Variants in LEF1 observed in about 807,000 individuals in gnomAD.
LEF1 encodes lymphoid enhancer binding factor 1.
In LEF1, 14 loss-of-function variants were observed where a neutral mutation model predicts 51.2. The observed-to-expected ratio is 0.27, with a 90% CI of 0.18 to 0.43. LEF1 has a LOEUF of 0.43. Ranked by LOEUF, LEF1 falls within the 20% of genes least tolerant of loss-of-function variation. The probability of loss-of-function intolerance (pLI) is 1.00; values close to 1 mark genes in which losing one functional copy is unlikely to be tolerated. For missense variants in LEF1, 386 were observed against 512.0 expected (o/e 0.75, Z 2.37); for synonymous variants, 185 against 183.2 (o/e 1.01, Z -0.08).
chr4:108,065,782 G>T (rs547274088), intron 9 of LEF1, among the ~76,000 whole-genome samples: 1 of 152,262 alleles, frequency 6.6e-6, no homozygotes, highest in East Asian at 1.9e-4. Context: ...TATGATATGT[G>T]TTCCATTTTA....
chr4:108,120,029 G>A (rs200945645), intron 3 of LEF1, among the ~76,000 whole-genome samples: 25 of 111,948 alleles, frequency 2.2e-4, no homozygotes, highest in East Asian at 1.7e-3. Context: ...GTGTGTGTGT[G>A]TGTATGTATG....
In LEF1 at chr4:108,163,579, T is replaced by G. The variant is rs370283692; in HGVS notation, c.403A>C (p.Ile135Leu). ...YMSNGSLSPPIPRTSNKVPVV... is the reference protein window; with the variant it reads ...YMSNGSLSPPLPRTSNKVPVV... ...AGCATGTTACTTACTGTTCTCGGGA[T>G]GGGTGGAGAAAGAGATCCATTTGAC... Residue 135 changes from isoleucine (I) to leucine (L), a missense_variant, in exon 3 of 12, where the codon ATC becomes CTC. Ile to Leu is a conservative substitution (Grantham distance 5). This residue lies in a region of LEF1 where 335 missense variants were observed against 390.7 expected (regional missense o/e 0.86). Transcript: ENST00000265165. 1.9e-6 allele frequency: 3 copies of G among 1,613,174 alleles called. No homozygotes were observed. Among genetic ancestry groups the G allele is most frequent in the Non-Finnish European group, 2.5e-6 (3 of 1,179,588 alleles).
intron 3 of LEF1, among the ~76,000 whole-genome samples, chr4:108,151,296 C>T (rs891710547): frequency 6.6e-6 from 1 of 152,170 alleles, no homozygotes; most frequent in Admixed American, 6.5e-5. Context: ...TATTACTACC[C>T]AAAATATGTT....
intron 3 of LEF1, among the ~76,000 whole-genome samples, chr4:108,098,465 G>A (rs1740532737): frequency 6.6e-6 from 1 of 150,934 alleles, no homozygotes; most frequent in Non-Finnish European, 1.5e-5. Flanking sequence ...TTCCATAAGC[G>A]AAGCCAACAG....
intron 3 of LEF1, among the ~76,000 whole-genome samples, chr4:108,123,423 C>A (rs1166917995): frequency 7.5e-6 from 1 of 133,096 alleles, no homozygotes; most frequent in Admixed American, 7.6e-5. Context: ...CAGCTTTCTG[C>A]TAGGGTTGGT....
At chr4:108,086,829 T>TCACACACACACAC (rs1553951329) in intron 4 of LEF1, among the ~76,000 whole-genome samples, 1 of 149,320 alleles carries the variant, frequency 6.7e-6, no homozygotes, top group Non-Finnish European at 1.5e-5. Flanking sequence ...CACACACACT[T>TCACACACACACAC]ACACACACAC....
Position 108,078,558 on chromosome 4 carries a change from T to C in LEF1, c.846-176A>G, listed in dbSNP as rs1040976601. The C allele has an allele frequency of 1.1e-5, 8 of 729,668 alleles. No individual in the cohort carries two copies. In the East Asian group the frequency reaches 2.1e-4, roughly 19 times the overall value. The allele number at this position is 729,668 out of a possible 1,614,324, so 45.2% of individuals were successfully genotyped here. On this transcript the variant is annotated intron_variant, in intron 7 of 11. Coordinates refer to ENST00000265165, the MANE Select transcript of LEF1 (RefSeq NM_016269.5). ...GTTATTGACTCATTTGACAAAACAC[T>C]GAGAGGCAAACAACCCATCCAATAG...
chr4:108,139,926 G>C (rs1273702316), intron 3 of LEF1, among the ~76,000 whole-genome samples: 1 of 151,974 alleles, frequency 6.6e-6, no homozygotes, highest in African/African-American at 2.4e-5. Flanking sequence ...AGAAACAGAG[G>C]AAAAACACAG....
intron 11 of LEF1, among the ~76,000 whole-genome samples, chr4:108,063,413 TAGAAG>T (rs1467809464): frequency 2.0e-5 from 3 of 152,302 alleles, no homozygotes; most frequent in South Asian, 2.1e-4. Flanking sequence ...CCAAAGAGGA[TAGAAG>T]AGAAAAGATA....
intron 3 of LEF1, among the ~76,000 whole-genome samples, chr4:108,127,087 A>C (rs1742592326): frequency 6.6e-6 from 1 of 152,140 alleles, no homozygotes; most frequent in Non-Finnish European, 1.5e-5. Context: ...GCTTCTCAGG[A>C]GACATAGGAG....
intron 9 of LEF1, among the ~76,000 whole-genome samples, chr4:108,067,272 A>G (rs1313154169): frequency 2.6e-5 from 4 of 152,186 alleles, no homozygotes; most frequent in Non-Finnish European, 5.9e-5. Flanking sequence ...CTTTAAAACT[A>G]CTTTCTTCCC....
intron 3 of LEF1, among the ~76,000 whole-genome samples, chr4:108,145,231 C>T (rs2110381975): frequency 6.6e-6 from 1 of 152,252 alleles, no homozygotes; most frequent in African/African-American, 2.4e-5. Flanking sequence ...GCCAAGTGGA[C>T]TGAAGATAAC....
At chr4:108,082,416 G>A (rs1014405444) in intron 5 of LEF1, among the ~76,000 whole-genome samples, 3 of 152,152 alleles carry the variant, frequency 2.0e-5, no homozygotes, top group African/African-American at 7.2e-5. Context: ...TGTAATGCTA[G>A]GGAGAGAGAG....
chr4:108,048,104 T>C lies in LEF1; in HGVS notation c.*654A>G, dbSNP rs1405656663. On this transcript the variant is annotated 3_prime_UTR_variant, in exon 12 of 12. Transcript: ENST00000265165. ...TCATTATTTCAAACTTTTCCAGAAC[T>C]TTCAATTTTATTTAAAAGCTCATAG... 6.6e-6 allele frequency: 1 copy of C among 152,544 alleles called. No homozygotes were observed. The highest frequency in any genetic ancestry group is 1.5e-5 in the Non-Finnish European group (1 of 68,040). The allele number at this position is 152,544 out of a possible 1,614,324, so 9.4% of individuals were successfully genotyped here.
At chr4:108,111,622 G>C (rs768647688) in intron 3 of LEF1, among the ~76,000 whole-genome samples, 1 of 152,156 alleles carries the variant, frequency 6.6e-6, no homozygotes, top group Non-Finnish European at 1.5e-5. Context: ...GAAAGGTGCT[G>C]GCATACAGGC....
chr4:108,140,048 T>C lies in LEF1; in HGVS notation c.414+23520A>G, dbSNP rs184751369. The stretch of plus-strand genomic sequence containing the variant: ...CCTTACTTTTCATGTAAATCTCAGC[T>C]TTCAATAAACATAAAAATACACACA... On this transcript the variant is annotated intron_variant, in intron 3 of 11. Transcript: ENST00000265165. Among the ~76,000 whole-genome samples, 285 of 152,246 alleles carry C rather than the reference T, an allele frequency of 1.9e-3. 1 individual carries two copies. The highest frequency in any genetic ancestry group is 3.4e-3 in the Non-Finnish European group (232 of 68,018).
Position 108,049,188 on chromosome 4 carries a change from A to T in LEF1, c.*7-437T>A, listed in dbSNP as rs114266489. Among the ~76,000 whole-genome samples, 1,149 of 152,252 alleles carry T rather than the reference A, an allele frequency of 7.5e-3. 12 individuals carry two copies. Among genetic ancestry groups the T allele is most frequent in the African/African-American group, 0.026 (1,099 of 41,516 alleles). ...TATGATTCTACATAGGACAGACATAATCACATTACCCAACGCACTGCCAAC... is the reference window on the plus strand; with the variant it reads ...TATGATTCTACATAGGACAGACATATTCACATTACCCAACGCACTGCCAAC... On this transcript the variant is annotated intron_variant, in intron 11 of 11. Transcript: ENST00000265165.
intron 3 of LEF1, among the ~76,000 whole-genome samples, chr4:108,100,528 T>A (rs141418735): frequency 1.3e-5 from 2 of 152,154 alleles, no homozygotes; most frequent in Non-Finnish European, 2.9e-5. Flanking sequence ...TTCATTTCCA[T>A]CTCTTTTAGG....
In LEF1 at chr4:108,134,019, T is replaced by C. The variant is rs142834391; in HGVS notation, c.414+29549A>G. ...CACACATACTGTGTGTTTTATACTC[T>C]CCCCAGTGGGGTCCAGGGAAGCACT... On this transcript the variant is annotated intron_variant, in intron 3 of 11. Transcript: ENST00000265165. Among the ~76,000 whole-genome samples the C allele has an allele frequency of 2.8e-4, 43 of 152,256 alleles. 1 individual carries two copies. In the East Asian group the frequency reaches 8.3e-3, roughly 29 times the overall value.
Sources: gnomAD v4.1 joint callset for allele counts (sites outside exome capture counted in the v4.1 genomes callset) on GRCh38, gnomAD v4.1.1 for gene constraint, gnomAD v4.1.1 regional missense constraint, MANE v1.5 for transcripts, NCBI Gene and HGNC (gene_info 2026-07-23, HGNC 2026-07-21) for gene names.